The following AGBL4 variants were observed in gnomAD, a reference collection of about 807,000 sequenced individuals.
AGBL4 encodes the protein cytosolic carboxypeptidase 6.
In AGBL4, 58 loss-of-function variants were observed where a neutral mutation model predicts 66.4. The ratio of observed to expected loss-of-function variants is 0.87; its 90% CI spans 0.71 to 1.09. The LOEUF is 1.09. Ranked by LOEUF, AGBL4 falls within the 50% of genes least tolerant of loss-of-function variation. AGBL4 has a pLI of 0.00. For missense variants in AGBL4, 579 were observed against 631.0 expected (o/e 0.92, Z 0.88); for synonymous variants, 234 against 222.9 (o/e 1.05, Z -0.44).
intron 4 of AGBL4, among the ~76,000 whole-genome samples, chr1:49,103,395 T>C (rs147486971): frequency 8.5e-4 from 129 of 152,254 alleles, no homozygotes; most frequent in Non-Finnish European, 1.5e-3. Context: ...CGCCTATAAG[T>C]AAAGGCTTGA....
At chr1:48,989,706 C>T (rs1471509665) in intron 5 of AGBL4, among the ~76,000 whole-genome samples, 4 of 152,132 alleles carry the variant, frequency 2.6e-5, no homozygotes, top group African/African-American at 7.2e-5. Flanking sequence ...ATGACAGAAT[C>T]TCATTCTTTT....
chr1:49,306,358 T>C (rs1392688035), intron 3 of AGBL4, among the ~76,000 whole-genome samples: 1 of 152,194 alleles, frequency 6.6e-6, no homozygotes, highest in African/African-American at 2.4e-5. Flanking sequence ...GTTAAAGATA[T>C]CAGTCCTAAA....
At chr1:49,752,832 T>A (rs983552358) in intron 2 of AGBL4, among the ~76,000 whole-genome samples, 4 of 152,330 alleles carry the variant, frequency 2.6e-5, no homozygotes, top group African/African-American at 9.6e-5. Flanking sequence ...AATGCCCTTC[T>A]TTGTCTCTTT....
At chr1:49,095,415 C>T (rs574321600) in intron 4 of AGBL4, among the ~76,000 whole-genome samples, 1,611 of 152,238 alleles carry the variant, frequency 0.011, 5 homozygotes, top group Middle Eastern at 0.024. Flanking sequence ...GGAGGCATCA[C>T]GCTACGTGAC....
intron 5 of AGBL4, among the ~76,000 whole-genome samples, chr1:48,979,768 T>G (rs894316182): frequency 6.6e-6 from 1 of 152,120 alleles, no homozygotes; most frequent in Non-Finnish European, 1.5e-5. Context: ...ACAACCTAGA[T>G]TCAAGAAACT....
intron 5 of AGBL4, among the ~76,000 whole-genome samples, chr1:49,026,702 G>A (rs1663723988): frequency 6.6e-6 from 1 of 152,096 alleles, no homozygotes. Flanking sequence ...CAGATATCCT[G>A]AATATTTCTA....
intron 3 of AGBL4, among the ~76,000 whole-genome samples, chr1:49,381,539 A>T (rs1007165214): frequency 2.0e-5 from 3 of 152,190 alleles, no homozygotes; most frequent in East Asian, 3.8e-4. Context: ...ATAAAGACAC[A>T]TGCACACATA....
chr1:48,536,645 A>G (rs1643975658), intron 12 of AGBL4, among the ~76,000 whole-genome samples: 1 of 152,210 alleles, frequency 6.6e-6, no homozygotes, highest in South Asian at 2.1e-4. Context: ...GCCCCGTTAC[A>G]CACACATACA....
At chr1:49,010,257 C>T (rs1323052230) in intron 5 of AGBL4, among the ~76,000 whole-genome samples, 1 of 142,286 alleles carries the variant, frequency 7.0e-6, no homozygotes, top group Non-Finnish European at 1.5e-5. Context: ...AGAGCCAAAT[C>T]ATGAGTGAAC....
intron 2 of AGBL4, among the ~76,000 whole-genome samples, chr1:49,710,713 A>G (rs1647596195): frequency 6.6e-6 from 1 of 151,860 alleles, no homozygotes; most frequent in Non-Finnish European, 1.5e-5. Flanking sequence ...CTATATTTTA[A>G]AAAACTAATA....
At chr1:49,282,411 G>A (rs1483507313) in intron 3 of AGBL4, among the ~76,000 whole-genome samples, 1 of 152,184 alleles carries the variant, frequency 6.6e-6, no homozygotes, top group Non-Finnish European at 1.5e-5. Context: ...ACACTACAGA[G>A]ATGGTTAGAT....
intron 4 of AGBL4, among the ~76,000 whole-genome samples, chr1:49,153,550 A>C (rs1646378025): frequency 6.6e-6 from 1 of 152,204 alleles, no homozygotes; most frequent in South Asian, 2.1e-4. Context: ...CCACCATCTA[A>C]TAGAGTAAGT....
At position 49,693,570 on chromosome 1, in the gene AGBL4, T is replaced by C. The variant is rs532584436; in HGVS notation, c.282+3743A>G. Among the ~76,000 whole-genome samples, 22 of 152,184 alleles carry C rather than the reference T, an allele frequency of 1.4e-4. No individual in the cohort carries two copies. The South Asian group carries it at 3.9e-3, about 27-fold the overall frequency. On this transcript the variant is annotated intron_variant, in intron 3 of 13. Transcript: ENST00000371839. ...ATAAATATGCCAAAAAAATTAACAG[T>C]ATTTGCTTCCAGTTAGTAAAATTGT...
chr1:48,753,038 G>GC (rs1385607153), intron 6 of AGBL4, among the ~76,000 whole-genome samples: 2 of 152,180 alleles, frequency 1.3e-5, no homozygotes, highest in African/African-American at 2.4e-5. Flanking sequence ...GTGAGCCACT[G>GC]CCCCCGGCCC....
At chr1:48,601,790 C>T (rs1186786942) in intron 9 of AGBL4, among the ~76,000 whole-genome samples, 1 of 152,090 alleles carries the variant, frequency 6.6e-6, no homozygotes, top group Non-Finnish European at 1.5e-5. Flanking sequence ...CATCTCACCA[C>T]TCCAAAACCT....
At chr1:49,095,361 G>C (rs1053115820) in intron 4 of AGBL4, among the ~76,000 whole-genome samples, 1 of 152,052 alleles carries the variant, frequency 6.6e-6, no homozygotes, top group Non-Finnish European at 1.5e-5. Context: ...AACCAAAAAC[G>C]AGCCCACATT....
intron 1 of AGBL4, among the ~76,000 whole-genome samples, chr1:49,963,224 G>A (rs931549973): frequency 1.3e-5 from 2 of 152,148 alleles, no homozygotes; most frequent in African/African-American, 2.4e-5. Context: ...AGAATCCAAA[G>A]TAGTTTCCTT....
At chr1:49,082,603 G>A (rs1374026432) in intron 4 of AGBL4, among the ~76,000 whole-genome samples, 17 of 152,124 alleles carry the variant, frequency 1.1e-4, no homozygotes, top group Admixed American at 1.1e-3. Flanking sequence ...TCTCCACCTG[G>A]CCCTGCCCTG....
chr1:49,244,225 G>A (rs923032226), intron 4 of AGBL4, among the ~76,000 whole-genome samples: 2 of 151,864 alleles, frequency 1.3e-5, no homozygotes, highest in South Asian at 2.1e-4. Context: ...ATGTCATTTC[G>A]AAGGCCCTCA....
Sources: gnomAD v4.1 joint callset for allele counts (sites outside exome capture counted in the v4.1 genomes callset) on GRCh38, gnomAD v4.1.1 for gene constraint, MANE v1.5 for transcripts, NCBI Gene and HGNC (gene_info 2026-07-23, HGNC 2026-07-21) for gene names.